CLIP1: variants seen among roughly 807,000 people sequenced by gnomAD.
CLIP1 encodes CAP-Gly domain containing linker protein 1.
Under a neutral mutation model 161.6 loss-of-function variants are expected in CLIP1, and 66 were observed. The observed-to-expected ratio is 0.41, with a 90% CI of 0.33 to 0.50. The LOEUF is 0.50. Ranked by LOEUF, CLIP1 falls within the 20% of genes least tolerant of loss-of-function variation. The pLI is 0.27. For missense variants in CLIP1, 1,376 were observed against 1,702.0 expected (o/e 0.81, Z 3.37); for synonymous variants, 598 against 626.2 (o/e 0.96, Z 0.67).
chr12:122,286,520 TAAAAAAAAAAAAAAAA>T lies in CLIP1; in HGVS notation c.3647+1953_3647+1968del, dbSNP rs57260606. Among the ~76,000 whole-genome samples the T allele has an allele frequency of 3.2e-4, 9 of 28,254 alleles. No homozygotes were observed. In the South Asian group the frequency reaches 9.4e-3, roughly 30 times the overall value. 18.5% of individuals were successfully genotyped at this position (28,254 alleles called of 152,430 possible). A position where few individuals can be genotyped will look rare whatever the true frequency, so the allele number is the denominator to read the frequency against. On this transcript the variant is annotated intron_variant, in intron 21 of 25. Coordinates refer to ENST00000620786, the MANE Select transcript of CLIP1 (RefSeq NM_001247997.2). The stretch of plus-strand genomic sequence containing the variant: ...TGGGTGATAGAGCAAGACTCTGTCT[TAAAAAAAAAAAAAAAA>T]AAAAAAAAAAAAAAAAGTAGACAAA...
At chr12:122,382,691 T>A (rs187740105) in intron 1 of CLIP1, among the ~76,000 whole-genome samples, 81 of 151,330 alleles carry the variant, frequency 5.4e-4, no homozygotes, top group African/African-American at 1.9e-3. Flanking sequence ...GGTGGTAGAG[T>A]GAGACTATGT....
At chr12:122,402,983 C>T (rs970786710) in intron 1 of CLIP1, among the ~76,000 whole-genome samples, 8 of 152,074 alleles carry the variant, frequency 5.3e-5, no homozygotes, top group African/African-American at 1.9e-4. Context: ...TGGCTCGTGG[C>T]TACTACATAG....
At chr12:122,302,930 C>G (rs958980201) in intron 20 of CLIP1, among the ~76,000 whole-genome samples, 4 of 152,044 alleles carry the variant, frequency 2.6e-5, no homozygotes, top group African/African-American at 9.7e-5. Flanking sequence ...CAGGGTCTTG[C>G]TATGTTGCCC....
intron 20 of CLIP1, among the ~76,000 whole-genome samples, chr12:122,303,776 T>C (rs1204664455): frequency 2.0e-5 from 3 of 152,208 alleles, no homozygotes; most frequent in Admixed American, 1.3e-4. Flanking sequence ...GATACGATCA[T>C]AGAAATGTGA....
chr12:122,356,558 T>G (rs1046839660), intron 5 of CLIP1, among the ~76,000 whole-genome samples: 5 of 152,148 alleles, frequency 3.3e-5, no homozygotes, highest in Admixed American at 3.3e-4. Flanking sequence ...GCGCACACAG[T>G]AACATGAAGT....
At chr12:122,351,047 A>G in intron 9 of CLIP1, 64 bp downstream of exon 9, 3 of 1,243,138 alleles carry the variant, frequency 2.4e-6, no homozygotes, top group Non-Finnish European at 3.4e-6. Flanking sequence ...ATCAATAAGC[A>G]TTTTAATCTG....
In CLIP1 at chr12:122,290,151, T is replaced by C. The variant is rs576790699; in HGVS notation, c.3595-1610A>G. On this transcript the variant is annotated intron_variant, in intron 20 of 25. Transcript: ENST00000620786. The stretch of plus-strand genomic sequence containing the variant: ...GTTACTAGCTCACTCTAAGTAGTTA[T>C]AGTCATTATTAATTATTACTTATGT... 1.8e-4 allele frequency among the ~76,000 whole-genome samples: 28 copies of C among 152,360 alleles called. No individual in the cohort carries two copies. The East Asian group carries it at 5.2e-3, about 28-fold the overall frequency.
intron 21 of CLIP1, chr12:122,280,419 A>C (rs1025869853): frequency 3.9e-5 from 6 of 152,262 alleles, no homozygotes; most frequent in Non-Finnish European, 8.8e-5. Context: ...TGCCAAGGTC[A>C]TTAAATACAA....
intron 1 of CLIP1, among the ~76,000 whole-genome samples, chr12:122,417,604 C>T (rs548190852): frequency 1.3e-5 from 2 of 149,732 alleles, no homozygotes; most frequent in African/African-American, 4.9e-5. Context: ...GCTCCACCTC[C>T]TGGGTTCACA....
chr12:122,407,193 TAGAATC>T (rs1486364185), intron 1 of CLIP1, among the ~76,000 whole-genome samples: 1 of 152,152 alleles, frequency 6.6e-6, no homozygotes, highest in Non-Finnish European at 1.5e-5. Context: ...CATAAAATGT[TAGAATC>T]AGAAGAGACT....
Position 122,272,127 on chromosome 12 carries a change from TG to T in CLIP1, c.*747del, listed in dbSNP as rs1955205889. The T allele has an allele frequency of 6.6e-6, 1 of 152,386 alleles. No homozygotes were observed. The allele number at this position is 152,386 out of a possible 1,614,324, so 9.4% of individuals were successfully genotyped here. ...TCCAAAAAGAAAGACACATTGTGTATGTTTTTTTCCCAAAATATAGATTTTT... is the reference window on the plus strand; with the variant it reads ...TCCAAAAAGAAAGACACATTGTGTATTTTTTTTCCCAAAATATAGATTTTT... On this transcript the variant is annotated 3_prime_UTR_variant, in exon 26 of 26. Transcript: ENST00000620786.
At chr12:122,333,967 G>A in intron 14 of CLIP1, 60 bp downstream of exon 14, 1 of 1,013,962 alleles carries the variant, frequency 9.9e-7, no homozygotes, top group Non-Finnish European at 1.6e-6. Flanking sequence ...TACTACAACT[G>A]TCTCGAATAC....
chr12:122,295,129 G>A (rs1028286722), intron 20 of CLIP1, among the ~76,000 whole-genome samples: 2 of 151,926 alleles, frequency 1.3e-5, no homozygotes, highest in Admixed American at 6.6e-5. Flanking sequence ...TTCTCTTTGG[G>A]AGGCTGAGAT....
At chr12:122,370,027 G>A (rs1954357702) in intron 3 of CLIP1, among the ~76,000 whole-genome samples, 1 of 152,008 alleles carries the variant, frequency 6.6e-6, no homozygotes, top group African/African-American at 2.4e-5. Context: ...GCCAGCTGTG[G>A]TGGCTCACGC....
Position 122,380,560 on chromosome 12 carries a change from T to TCCTC in CLIP1, c.-106-3_-106-2insGAGG. On this transcript the variant is annotated splice_region_variant and splice_polypyrimidine_tract_variant and intron_variant, in intron 1 of 25. Coordinates refer to ENST00000620786, the MANE Select transcript of CLIP1 (RefSeq NM_001247997.2). Reference sequence around the variant, plus strand: ...GTGAAGTCAGTCTCTGGATTAAATCTGCAAAGAGAAAGAAATAAAAAGATT... The same window carrying TCCTC: ...GTGAAGTCAGTCTCTGGATTAAATCTCCTCGCAAAGAGAAAGAAATAAAAAGATT... 1.7e-6 allele frequency: 1 copy of TCCTC among 588,642 alleles called. No individual in the cohort carries two copies. The allele number at this position is 588,642 out of a possible 1,614,324, so 36.5% of individuals were successfully genotyped here.
intron 3 of CLIP1, among the ~76,000 whole-genome samples, chr12:122,373,201 G>A (rs1049442627): frequency 1.3e-5 from 2 of 152,154 alleles, no homozygotes; most frequent in Non-Finnish European, 2.9e-5. Flanking sequence ...GAGGCAGGTG[G>A]ATTGCCTGAG....
At chr12:122,368,823 C>T (rs905175382) in intron 3 of CLIP1, among the ~76,000 whole-genome samples, 10 of 151,566 alleles carry the variant, frequency 6.6e-5, no homozygotes, top group African/African-American at 2.2e-4. Flanking sequence ...CCCAGCTACT[C>T]GGGAGGTTGA....
At position 122,334,055 on chromosome 12, in the gene CLIP1, G is replaced by A; in HGVS notation, c.2682C>T (p.Asp894=). The change falls in exon 14 of 26, where the codon GAC becomes GAT. Residue 894 remains aspartate, a synonymous_variant. Transcript: ENST00000620786. ...KEEQFNMLSS[D]LEKLRENLAD... ...CTAAGTTTTCTCTCAGCTTCTCCAA[G>A]TCAGAAGACAGCATGTTAAACTGTT... is the stretch of plus-strand genomic sequence containing the variant. 1 of 1,612,912 alleles carries A rather than the reference G, an allele frequency of 6.2e-7. No homozygotes were observed. Among genetic ancestry groups the A allele is most frequent in the Non-Finnish European group, 8.5e-7 (1 of 1,178,926 alleles).
chr12:122,377,298 G>T, intron 3 of CLIP1, 91 bp downstream of exon 3: 7 of 1,213,540 alleles, frequency 5.8e-6, no homozygotes, highest in Non-Finnish European at 8.2e-6. Context: ...GTGAGCCACC[G>T]CGCCCAGCCC....
Sources: allele counts gnomAD v4.1 joint callset (sites outside exome capture counted in the v4.1 genomes callset), GRCh38; gene constraint gnomAD v4.1.1; transcripts MANE v1.5; gene names NCBI Gene and HGNC (gene_info 2026-07-23, HGNC 2026-07-21).